FGF13: variants seen among roughly 807,000 people sequenced by gnomAD.
FGF13 encodes the protein fibroblast growth factor 13, also known as fibroblast growth factor homologous factor 2.
In FGF13, 2 loss-of-function variants were observed where a neutral mutation model predicts 19.5. The observed-to-expected ratio is 0.10, with a 90% confidence interval of 0.04 to 0.32. FGF13 has a LOEUF of 0.32. Among genes scored for constraint, FGF13 ranks in the 10% least tolerant of loss-of-function variants. The pLI is 1.00. For missense variants in FGF13, 113 were observed against 192.7 expected (o/e 0.59, Z 2.45); for synonymous variants, 72 against 76.9 (o/e 0.94, Z 0.33).
Position 138,998,279 on chromosome X carries a change from CA to C in FGF13, c.-112-133630del, listed in dbSNP as rs1307133866. 3.6e-5 allele frequency among the ~76,000 whole-genome samples: 4 copies of C among 111,343 alleles called. No homozygotes were observed. The East Asian group carries it at 1.1e-3, about 32-fold the overall frequency. ...GCTATGAAGAAACTGCATCAACTAA[CA>C]GGAAAAATAACCAGTTAGCATCATA... On this transcript the variant is annotated intron_variant, in intron 1 of 2. Transcript: ENST00000421460.
chrX:138,797,025 A>C (rs2090784153), intron 3 of FGF13, among the ~76,000 whole-genome samples: 1 of 111,689 alleles, frequency 9.0e-6, no homozygotes, highest in African/African-American at 3.3e-5. Flanking sequence ...CTCTGATGAT[A>C]GTTTATTTTG....
At chrX:138,794,082 C>T (rs770151897) in intron 3 of FGF13, among the ~76,000 whole-genome samples, 12 of 111,013 alleles carry the variant, frequency 1.1e-4, no homozygotes, top group Non-Finnish European at 1.7e-4. Flanking sequence ...AACAGCCTCC[C>T]CTCCATCCTG....
intron 3 of FGF13, among the ~76,000 whole-genome samples, chrX:138,841,001 C>T (rs1195715111): frequency 9.0e-6 from 1 of 111,255 alleles, no homozygotes; most frequent in African/African-American, 3.3e-5. Flanking sequence ...CCTCCTAATC[C>T]ATATGGCAGG....
intron 3 of FGF13, among the ~76,000 whole-genome samples, chrX:138,678,570 T>C (rs916095064): frequency 9.0e-6 from 1 of 111,646 alleles, no homozygotes; most frequent in Non-Finnish European, 1.9e-5. Context: ...GAGCCTATCA[T>C]CATGCCCTAT....
chrX:139,069,819 T>C (rs1324255932), intron 1 of FGF13, among the ~76,000 whole-genome samples: 2 of 110,947 alleles, frequency 1.8e-5, no homozygotes, highest in African/African-American at 3.3e-5. Context: ...GCCTCAGAAA[T>C]AACAACACAC....
intron 1 of FGF13, among the ~76,000 whole-genome samples, chrX:139,078,581 T>G (rs759755968): frequency 1.8e-5 from 2 of 112,956 alleles, no homozygotes; most frequent in Non-Finnish European, 3.7e-5. Context: ...CCATAACAAA[T>G]GCAGATCAAA....
intron 3 of FGF13, among the ~76,000 whole-genome samples, chrX:138,791,173 C>G (rs769997398): frequency 3.4e-4 from 38 of 112,183 alleles, no homozygotes; most frequent in Non-Finnish European, 6.4e-4. Flanking sequence ...TTTAAGTAAT[C>G]TAAAGCTGAC....
At chrX:139,184,705 A>T (rs187567815) in intron 1 of FGF13, among the ~76,000 whole-genome samples, 1 of 112,293 alleles carries the variant, frequency 8.9e-6, no homozygotes, top group East Asian at 2.8e-4. Context: ...TGTTTTATTC[A>T]TTGCTATATC....
chrX:139,081,593 A>C (rs1483805407), intron 1 of FGF13, among the ~76,000 whole-genome samples: 1 of 110,711 alleles, frequency 9.0e-6, no homozygotes, highest in Non-Finnish European at 1.9e-5. Flanking sequence ...TTTGCATCTC[A>C]CTCTTTACTC....
At chrX:138,932,703 A>AGTGTGTGT (rs57793547) in intron 1 of FGF13, among the ~76,000 whole-genome samples, 4,199 of 90,229 alleles carry the variant, frequency 0.047, 115 homozygotes, top group African/African-American at 0.075. Context: ...TCAGGAGTGT[A>AGTGTGTGT]GTGTGTGTGT....
intron 1 of FGF13, among the ~76,000 whole-genome samples, chrX:138,953,322 G>A (rs569402512): frequency 5.4e-5 from 6 of 110,591 alleles, no homozygotes; most frequent in South Asian, 3.9e-4. Context: ...GCAAACTATC[G>A]CAAGGACAGA....
intron 1 of FGF13, among the ~76,000 whole-genome samples, chrX:138,725,014 T>C (rs1043722647): frequency 8.9e-6 from 1 of 112,360 alleles, no homozygotes; most frequent in Non-Finnish European, 1.9e-5. Flanking sequence ...AACATTTTTA[T>C]AAGTTTATTA....
chrX:139,185,159 C>T (rs1398278197), intron 1 of FGF13, among the ~76,000 whole-genome samples: 2 of 112,210 alleles, frequency 1.8e-5, no homozygotes, highest in African/African-American at 3.2e-5. Context: ...GCCAACCACA[C>T]TCACAATAAC....
intron 1 of FGF13, among the ~76,000 whole-genome samples, chrX:139,182,995 A>C (rs1054936690): frequency 1.8e-5 from 2 of 111,060 alleles, no homozygotes; most frequent in Non-Finnish European, 3.8e-5. Context: ...TCTTCTTTCC[A>C]CAAATACACA....
At chrX:139,108,793 T>C (rs1261556417) in intron 1 of FGF13, among the ~76,000 whole-genome samples, 1 of 110,805 alleles carries the variant, frequency 9.0e-6, no homozygotes, top group East Asian at 2.9e-4. Flanking sequence ...GGTATTATAT[T>C]AAGCCCAGCA....
At chrX:139,161,549 C>G (rs896083542) in intron 1 of FGF13, among the ~76,000 whole-genome samples, 7 of 111,194 alleles carry the variant, frequency 6.3e-5, no homozygotes. Context: ...AGTCTGGCCA[C>G]GGCACTCAGG....
In FGF13 at chrX:139,160,566, A is replaced by C. The variant is rs146906452; in HGVS notation, c.-113+42850T>G. On this transcript the variant is annotated intron_variant, in intron 1 of 2. Coordinates refer to the FGF13 transcript ENST00000421460. ...AGGAATCCAGGAGCTGATTTTTGGA[A>C]AAGATTAACAAAATAGATAGACTGC... Among the ~76,000 whole-genome samples the C allele has an allele frequency of 9.9e-3, 1,106 of 111,942 alleles. 6 individuals are homozygous for C. The highest frequency in any genetic ancestry group is 0.014 in the Non-Finnish European group (769 of 53,210).
intron 3 of FGF13, among the ~76,000 whole-genome samples, chrX:138,777,013 T>C (rs1213517935): frequency 8.9e-6 from 1 of 111,765 alleles, no homozygotes; most frequent in Non-Finnish European, 1.9e-5. Context: ...ATTGGATAAA[T>C]AGCACAGTAG....
At chrX:139,017,505 A>G (rs761025984) in intron 1 of FGF13, among the ~76,000 whole-genome samples, 1 of 111,083 alleles carries the variant, frequency 9.0e-6, no homozygotes, top group African/African-American at 3.3e-5. Flanking sequence ...GTGAGAACAA[A>G]CATTGGTTAA....
Sources: allele counts gnomAD v4.1 joint callset (sites outside exome capture counted in the v4.1 genomes callset), GRCh38; gene constraint gnomAD v4.1.1; transcripts MANE v1.5; gene names NCBI Gene and HGNC (gene_info 2026-07-23, HGNC 2026-07-21).